The following ASCL3 variants were observed in gnomAD, a reference collection of about 807,000 sequenced individuals.
The protein encoded by ASCL3 is achaete-scute homolog 3.
In ASCL3, 1 loss-of-function variant was observed where a neutral mutation model predicts 2.3. The ratio of observed to expected loss-of-function variants is 0.44; its 90% CI spans 0.16 to 2.10. The LOEUF is 2.10. ASCL3 is among the 30% of genes most tolerant of loss of function. The pLI is 0.28. For synonymous variants in ASCL3, 98 were observed against 88.5 expected (o/e 1.11, Z -0.60); for missense variants, 243 against 229.0 (o/e 1.06, Z -0.40).
At position 8,938,210 on chromosome 11, in the gene ASCL3, A is replaced by G. The variant is rs2064689946; in HGVS notation, c.-12-37T>C. 3.4e-6 allele frequency: 5 copies of G among 1,466,416 alleles called. No homozygotes were observed. The South Asian group carries it at 6.6e-5, about 19-fold the overall frequency. 90.8% of individuals were successfully genotyped at this position (1,466,416 alleles called of 1,614,324 possible). A position where few individuals can be genotyped will look rare whatever the true frequency, so the allele number is the denominator to read the frequency against. On this transcript the variant is annotated intron_variant, in intron 1 of 1. Coordinates refer to ENST00000531618, the MANE Select transcript of ASCL3 (RefSeq NM_020646.3). ...ACCAAGTTTAACAATGTGGTCAGAT[A>G]GAGAGCAGATATGATCTACTTTCTT... is the stretch of plus-strand genomic sequence containing the variant.
At chr11:8,941,058 G>C (rs1313690363) in intron 1 of ASCL3, among the ~76,000 whole-genome samples, 2 of 152,080 alleles carry the variant, frequency 1.3e-5, no homozygotes, top group Non-Finnish European at 2.9e-5. Flanking sequence ...CTTTAGAGAT[G>C]AATGAATCCT....
chr11:8,937,791 T>C lies in ASCL3; in HGVS notation c.371A>G (p.Tyr124Cys). The C allele has an allele frequency of 6.2e-7, 1 of 1,614,108 alleles. No homozygotes were observed. Among genetic ancestry groups the C allele is most frequent in the East Asian group, 2.2e-5 (1 of 44,878 alleles). ...CACTTTGCTGAGTCGCTTCTCCAAA[T>C]ACTCCTCTGGCAGATGATGGCGGAG... ...AQLRHHLPEE[Y>C]LEKRLSKVET... Residue 124 changes from tyrosine to cysteine, a missense_variant, in exon 2 of 2, where the codon TAT becomes TGT. Transcript: ENST00000531618.
intron 1 of ASCL3, 64 bp from the exon 2 acceptor site, chr11:8,938,237 GA>G (rs2064690126): frequency 1.5e-6 from 2 of 1,309,108 alleles, no homozygotes; most frequent in African/African-American, 3.0e-5. Flanking sequence ...TACTTTCTTG[GA>G]GATCAATGTT....
At chr11:8,939,366 A>G (rs1318130372) in intron 1 of ASCL3, among the ~76,000 whole-genome samples, 1 of 151,936 alleles carries the variant, frequency 6.6e-6, no homozygotes, top group African/African-American at 2.4e-5. Context: ...CAGCCTCCCA[A>G]GTAGCTGGGA....
Position 8,937,772 on chromosome 11 carries a change from G to A in ASCL3, c.390C>T (p.Ser130=), listed in dbSNP as rs2064686112. ...TCGCAGCTCTGAGGGTTTCCACTTT[G>A]CTGAGTCGCTTCTCCAAATACTCCT... ...LPEEYLEKRL[S]KVETLRAAIK... The change falls in exon 2 of 2, where the codon AGC becomes AGT. Residue 130 remains serine (S), a synonymous_variant. Transcript: ENST00000531618. The A allele has an allele frequency of 6.2e-7, 1 of 1,613,996 alleles. No individual in the cohort carries two copies. Among genetic ancestry groups the A allele is most frequent in the African/African-American group, 1.3e-5 (1 of 74,930 alleles).
In ASCL3 at chr11:8,937,802, C is replaced by A; in HGVS notation, c.360G>T (p.Leu120=). 1 of 1,614,152 alleles carries A rather than the reference C, an allele frequency of 6.2e-7. No homozygotes were observed. ...NEGYAQLRHH[L]PEEYLEKRLS... ...GTCGCTTCTCCAAATACTCCTCTGG[C>A]AGATGATGGCGGAGCTGGGCGTAGC... The change falls in exon 2 of 2, where the codon CTG becomes CTT. Residue 120 remains leucine, a synonymous_variant. Coordinates refer to ENST00000531618, the MANE Select transcript of ASCL3 (RefSeq NM_020646.3).
In ASCL3 at chr11:8,937,855, T is replaced by G. The variant is rs1279343817; in HGVS notation, c.307A>C (p.Arg103=). ...AFTRKRNERE[R]QRVKCVNEGY... is the part of the protein sequence containing the mutation. ...TCATTGACACATTTCACCCGCTGCCTTTCCCGCTCATTCCTTTTCCGGGTG... is the reference window on the plus strand; with the variant it reads ...TCATTGACACATTTCACCCGCTGCCGTTCCCGCTCATTCCTTTTCCGGGTG... Residue 103 remains arginine (R), a synonymous_variant, in exon 2 of 2, where the codon AGG becomes CGG. Transcript: ENST00000531618. The G allele has an allele frequency of 6.2e-7, 1 of 1,614,036 alleles. No homozygotes were observed. Among genetic ancestry groups the G allele is most frequent in the Admixed American group, 1.7e-5 (1 of 60,002 alleles).
Position 8,940,205 on chromosome 11 carries a change from G to T in ASCL3, c.-12-2032C>A, listed in dbSNP as rs1251631873. Among the ~76,000 whole-genome samples, 3 of 92,098 alleles carry T rather than the reference G, an allele frequency of 3.3e-5. No homozygotes were observed. The East Asian group carries it at 1.1e-3, about 34-fold the overall frequency. The allele number at this position is 92,098 out of a possible 152,430, so 60.4% of individuals were successfully genotyped here. The stretch of plus-strand genomic sequence containing the variant: ...GCCCAGGCTGATTTTAAACCTCCTA[G>T]CTTCAAAAGATCTTCCCACAGCACT... On this transcript the variant is annotated intron_variant, in intron 1 of 1. Transcript: ENST00000531618.
chr11:8,938,196 C>T (rs755101514), intron 1 of ASCL3, 23 bp from the exon 2 acceptor site: 1 of 1,526,786 alleles, frequency 6.5e-7, no homozygotes, highest in Non-Finnish European at 8.9e-7. Context: ...CCAAGTTTAA[C>T]AATGTGGTCA....
chr11:8,940,844 G>A (rs572271638), intron 1 of ASCL3, among the ~76,000 whole-genome samples: 6 of 152,258 alleles, frequency 3.9e-5, no homozygotes, highest in African/African-American at 1.4e-4. Context: ...AATGTGCATT[G>A]CATTAGGTAT....
intron 1 of ASCL3, among the ~76,000 whole-genome samples, chr11:8,941,137 G>T (rs969905560): frequency 6.6e-6 from 1 of 152,068 alleles, no homozygotes; most frequent in Admixed American, 6.6e-5. Flanking sequence ...ACACTGTAGA[G>T]TCACAGCACT....
rs1203645673 is a variant in ASCL3, at chr11:8,938,181, C to G, written c.-12-8G>C. The G allele has an allele frequency of 6.4e-7, 1 of 1,561,116 alleles. No homozygotes were observed. Among genetic ancestry groups the G allele is most frequent in the Admixed American group, 1.9e-5 (1 of 53,420 alleles). On this transcript the variant is annotated splice_polypyrimidine_tract_variant and splice_region_variant and intron_variant, in intron 1 of 1. Transcript: ENST00000531618. ...CATCATTTCCTCTTTAACCTGCAAACATAACCAAGTTTAACAATGTGGTCA... is the reference window on the plus strand; with the variant it reads ...CATCATTTCCTCTTTAACCTGCAAAGATAACCAAGTTTAACAATGTGGTCA...
chr11:8,942,752 G>C (rs763836443), intron 1 of ASCL3, among the ~76,000 whole-genome samples: 21 of 152,108 alleles, frequency 1.4e-4, no homozygotes, highest in Non-Finnish European at 2.6e-4. Flanking sequence ...AGCAGAGCAG[G>C]GGCCAGAACC....
rs751510877 is a variant in ASCL3, at chr11:8,937,796, C to G, written c.366G>C (p.Glu122Asp). 3 of 1,613,994 alleles carry G rather than the reference C, an allele frequency of 1.9e-6. No individual in the cohort carries two copies. The highest frequency in any genetic ancestry group is 2.5e-6 in the Non-Finnish European group (3 of 1,180,008). Residue 122 changes from glutamate to aspartate, a missense_variant, in exon 2 of 2, where the codon GAG (glutamate) becomes GAC (aspartate). Transcript: ENST00000531618. ...GYAQLRHHLP[E>D]EYLEKRLSKV... ...TGCTGAGTCGCTTCTCCAAATACTCCTCTGGCAGATGATGGCGGAGCTGGG... is the reference window on the plus strand; with the variant it reads ...TGCTGAGTCGCTTCTCCAAATACTCGTCTGGCAGATGATGGCGGAGCTGGG...
At chr11:8,940,742 A>G (rs10840154) in intron 1 of ASCL3, among the ~76,000 whole-genome samples, 82,410 of 152,016 alleles carry the variant, frequency 0.54, 23,811 homozygotes, top group East Asian at 0.69. Flanking sequence ...TCAGGGGGAA[A>G]AAAGGGATGG....
At position 8,938,181 on chromosome 11, in the gene ASCL3, CAT is replaced by C. The variant is rs2064689788; in HGVS notation, c.-12-10_-12-9del. ...CATCATTTCCTCTTTAACCTGCAAA[CAT>C]AACCAAGTTTAACAATGTGGTCAGA... On this transcript the variant is annotated splice_polypyrimidine_tract_variant and intron_variant, in intron 1 of 1. Coordinates refer to ENST00000531618, the MANE Select transcript of ASCL3 (RefSeq NM_020646.3). 1 of 1,561,116 alleles carries C rather than the reference CAT, an allele frequency of 6.4e-7. No homozygotes were observed. The highest frequency in any genetic ancestry group is 8.7e-7 in the Non-Finnish European group (1 of 1,152,114).
chr11:8,939,155 C>T (rs775305442), intron 1 of ASCL3, among the ~76,000 whole-genome samples: 7 of 152,002 alleles, frequency 4.6e-5, no homozygotes, highest in Non-Finnish European at 1.0e-4. Context: ...CAAGCAATAG[C>T]GTCTAGTTAG....
At chr11:8,940,219 T>TCCCACGTCAGCCC (rs72298304) in intron 1 of ASCL3, among the ~76,000 whole-genome samples, 1 of 32,290 alleles carries the variant, frequency 3.1e-5, no homozygotes, top group Non-Finnish European at 1.1e-4. Context: ...CAAAAGATCT[T>TCCCACGTCAGCCC]CCCACAGCAC....
chr11:8,938,831 G>T (rs2064693392), intron 1 of ASCL3, among the ~76,000 whole-genome samples: 1 of 148,798 alleles, frequency 6.7e-6, no homozygotes, highest in Non-Finnish European at 1.5e-5. Context: ...TTGAGACAGG[G>T]TGTGGCTCTG....
Sources: allele counts gnomAD v4.1 joint callset (sites outside exome capture counted in the v4.1 genomes callset), GRCh38; gene constraint gnomAD v4.1.1; transcripts MANE v1.5; gene names NCBI Gene and HGNC (gene_info 2026-07-23, HGNC 2026-07-21).